SH3BP5: variants seen among roughly 807,000 people sequenced by gnomAD.
SH3BP5 encodes SH3 domain binding protein 5.
In SH3BP5, 22 loss-of-function variants were observed where a neutral mutation model predicts 43.3. The ratio of observed to expected loss-of-function variants is 0.51; its 90% CI spans 0.36 to 0.73. SH3BP5 has a LOEUF of 0.73. Ranked by LOEUF, SH3BP5 falls within the 30% of genes least tolerant of loss-of-function variation. The pLI is 0.00. For missense variants in SH3BP5, 529 were observed against 586.9 expected, an observed-to-expected ratio of 0.90 and a Z score of 1.02; for synonymous variants, 255 against 225.8, an observed-to-expected ratio of 1.13 and a Z score of -1.16.
At chr3:15,340,842 T>A (rs1698757064) in intron 1 of SH3BP5, among the ~76,000 whole-genome samples, 1 of 151,714 alleles carries the variant, frequency 6.6e-6, no homozygotes, top group Non-Finnish European at 1.5e-5. Context: ...CACCTGAGGT[T>A]GGGAGTTCAA....
At chr3:15,331,867 G>A (rs530648043) in intron 1 of SH3BP5, 23 of 173,162 alleles carry the variant, frequency 1.3e-4, no homozygotes, top group Admixed American at 9.6e-4. Context: ...GGTGCCCGGC[G>A]CCCACGCGGG....
intron 3 of SH3BP5, among the ~76,000 whole-genome samples, chr3:15,283,718 T>C (rs1257674868): frequency 6.6e-6 from 1 of 152,106 alleles, no homozygotes; most frequent in Non-Finnish European, 1.5e-5. Flanking sequence ...CACTTATAAT[T>C]ACAAAGCACT....
intron 2 of SH3BP5, among the ~76,000 whole-genome samples, chr3:15,304,983 T>TG (rs1361607573): frequency 1.3e-5 from 2 of 151,180 alleles, no homozygotes; most frequent in Admixed American, 6.6e-5. Flanking sequence ...CCGGGCATAG[T>TG]GGGGGACACC....
chr3:15,332,113 G>C, intron 1 of SH3BP5, 158 bp downstream of exon 1: 1 of 1,180,832 alleles, frequency 8.5e-7, no homozygotes, highest in Non-Finnish European at 1.2e-6. Flanking sequence ...TTGTGGAGAC[G>C]ATGAAACGGA....
At chr3:15,282,818 G>C (rs1451084190) in intron 3 of SH3BP5, among the ~76,000 whole-genome samples, 1 of 152,040 alleles carries the variant, frequency 6.6e-6, no homozygotes, top group East Asian at 1.9e-4. Flanking sequence ...AAAAGCTAGA[G>C]GGGGAGGGTG....
At chr3:15,303,514 G>A (rs902111564) in intron 3 of SH3BP5, among the ~76,000 whole-genome samples, 16 of 151,964 alleles carry the variant, frequency 1.1e-4, no homozygotes, top group African/African-American at 3.9e-4. Flanking sequence ...CCATTTCCAC[G>A]CAGCCCCCAG....
intron 3 of SH3BP5, chr3:15,273,374 T>A (rs1696871411): frequency 2.0e-6 from 2 of 985,254 alleles, no homozygotes; most frequent in Admixed American, 1.2e-4. Flanking sequence ...CTGCCATGTA[T>A]CTGATGAGTT....
chr3:15,279,189 A>G (rs1697053033), intron 3 of SH3BP5, among the ~76,000 whole-genome samples: 1 of 152,120 alleles, frequency 6.6e-6, no homozygotes, highest in African/African-American at 2.4e-5. Flanking sequence ...AAACAAACAA[A>G]AAAAAAGATC....
intron 3 of SH3BP5, among the ~76,000 whole-genome samples, chr3:15,287,646 T>TA (rs1157508125): frequency 2.0e-5 from 3 of 152,220 alleles, no homozygotes; most frequent in Non-Finnish European, 4.4e-5. Flanking sequence ...TATGTGTGGC[T>TA]AATGGCTACT....
At chr3:15,310,299 G>T (rs1559452693) in intron 2 of SH3BP5, among the ~76,000 whole-genome samples, 1 of 152,228 alleles carries the variant, frequency 6.6e-6, no homozygotes, top group African/African-American at 2.4e-5. Context: ...TGAGGGGAGA[G>T]CCTAACAATA....
intron 3 of SH3BP5, among the ~76,000 whole-genome samples, chr3:15,300,437 A>G (rs1697704007): frequency 6.6e-6 from 1 of 151,870 alleles, no homozygotes; most frequent in Non-Finnish European, 1.5e-5. Context: ...TATCTGAAGG[A>G]GTCTCTCAGG....
intron 3 of SH3BP5, among the ~76,000 whole-genome samples, chr3:15,294,684 G>T (rs1205113074): frequency 6.6e-6 from 1 of 152,114 alleles, no homozygotes; most frequent in African/African-American, 2.4e-5. Flanking sequence ...CAGTGTGTGT[G>T]GCACCTAATA....
chr3:15,315,231 A>G (rs1355116539), intron 2 of SH3BP5, among the ~76,000 whole-genome samples: 1 of 151,904 alleles, frequency 6.6e-6, no homozygotes, highest in Non-Finnish European at 1.5e-5. Flanking sequence ...TGGTTTCCCT[A>G]CGCATCAGAG....
At chr3:15,335,027 C>T (rs1322119202), upstream of SH3BP5, among the ~76,000 whole-genome samples, 1 of 151,626 alleles carries the variant, frequency 6.6e-6, no homozygotes, top group Admixed American at 6.6e-5. Flanking sequence ...AATCTCAGTC[C>T]TTTGGGAGGC....
At chr3:15,305,995 C>A (rs1402128409) in intron 2 of SH3BP5, among the ~76,000 whole-genome samples, 1 of 151,200 alleles carries the variant, frequency 6.6e-6, no homozygotes, top group East Asian at 1.9e-4. Context: ...TCTACCTCTC[C>A]CTCAGGCATC....
Position 15,262,309 on chromosome 3 carries a change from TCAGCCCAGTC to T in SH3BP5, c.496-30_496-21del, listed in dbSNP as rs369137203. The T allele has an allele frequency of 4.8e-3, 7,807 of 1,613,674 alleles. 27 individuals carry two copies. The highest frequency in any genetic ancestry group is 6.1e-3 in the Non-Finnish European group (7,197 of 1,179,642). On this transcript the variant is annotated intron_variant, in intron 4 of 8. Transcript: ENST00000383791. The stretch of plus-strand genomic sequence containing the variant: ...CATGACCTTAAAATGACAGCAGAGT[TCAGCCCAGTC>T]CAGCCCAGAACAGCCCAGGCTTGGA...
At chr3:15,288,336 T>C (rs2125089821) in intron 3 of SH3BP5, among the ~76,000 whole-genome samples, 1 of 152,308 alleles carries the variant, frequency 6.6e-6, no homozygotes, top group Non-Finnish European at 1.5e-5. Flanking sequence ...AGCTGACACA[T>C]AAAATTAACC....
intron 7 of SH3BP5, 187 bp downstream of exon 7, chr3:15,258,642 CTT>C: frequency 1.7e-6 from 1 of 579,034 alleles, no homozygotes; most frequent in East Asian, 2.9e-5. Context: ...AGAATCCTGA[CTT>C]TGAGGAACAC....
At chr3:15,328,172 C>A (rs1698512131) in intron 2 of SH3BP5, among the ~76,000 whole-genome samples, 6 of 152,194 alleles carry the variant, frequency 3.9e-5, no homozygotes, top group Admixed American at 3.9e-4. Flanking sequence ...TCGCCTCTCA[C>A]ACGGTTCCAA....
Sources: gnomAD v4.1 joint callset for allele counts (sites outside exome capture counted in the v4.1 genomes callset) on GRCh38, gnomAD v4.1.1 for gene constraint, MANE v1.5 for transcripts, NCBI Gene and HGNC (gene_info 2026-07-23, HGNC 2026-07-21) for gene names.